The following NGFR variants were observed in gnomAD, a reference collection of about 807,000 sequenced individuals.
NGFR encodes tumor necrosis factor receptor superfamily member 16.
Under a neutral mutation model 43.2 loss-of-function variants are expected in NGFR, and 30 were observed. The ratio of observed to expected loss-of-function variants is 0.69; its 90% CI spans 0.52 to 0.94. The LOEUF (loss-of-function observed/expected upper bound fraction) is 0.94. Ranked by LOEUF, NGFR falls within the 40% of genes least tolerant of loss-of-function variation. NGFR has a pLI of 0.00. For synonymous variants in NGFR, 246 were observed against 259.6 expected, an observed-to-expected ratio of 0.95 and a Z score of 0.50; for missense variants, 529 against 602.5, an observed-to-expected ratio of 0.88 and a Z score of 1.28.
chr17:49,499,103 C>A (rs1053415570), intron 1 of NGFR, among the ~76,000 whole-genome samples: 2 of 152,166 alleles, frequency 1.3e-5, no homozygotes, highest in African/African-American at 4.8e-5. Context: ...AGAAGCAGAT[C>A]TAGGATTTTA....
chr17:49,512,901 C>CTGGG lies in NGFR; in HGVS notation c.1176_1177insTGGG (p.Gln393TrpfsTer29). ...GCGCCCTGCTTGCAAGCTGGGCCAC[C>CTGGG]CAGGACAGCGCCACACTGGACGCCC... On this transcript the variant is annotated frameshift_variant, in exon 6 of 6. Coordinates refer to ENST00000172229, the MANE Select transcript of NGFR (RefSeq NM_002507.4). LOFTEE classifies it high-confidence loss of function. This position sits in a 1 kb window ranked among gnomAD's most constrained non-coding sequence, Gnocchi z 5.2. The CTGGG allele has an allele frequency of 6.2e-7, 1 of 1,612,902 alleles. No homozygotes were observed. Among genetic ancestry groups the CTGGG allele is most frequent in the Non-Finnish European group, 8.5e-7 (1 of 1,179,764 alleles).
intron 3 of NGFR, among the ~76,000 whole-genome samples, chr17:49,508,637 G>A (rs2143441377): frequency 6.6e-6 from 1 of 152,308 alleles, no homozygotes; most frequent in Non-Finnish European, 1.5e-5. Flanking sequence ...GTGAAATTCG[G>A]TTTGAATAGG....
In NGFR at chr17:49,513,034, GC is replaced by G. The variant is rs1567742327; in HGVS notation, c.*29del. On this transcript the variant is annotated 3_prime_UTR_variant, in exon 6 of 6. Coordinates refer to ENST00000172229, the MANE Select transcript of NGFR (RefSeq NM_002507.4). ...AGCCCAACCGGGGAGCCCCCGCCCCGCCCCACATTCCGACAACCGATGCTCC... is the reference window on the plus strand; with the variant it reads ...AGCCCAACCGGGGAGCCCCCGCCCCGCCCACATTCCGACAACCGATGCTCC... 17 of 1,486,228 alleles carry G rather than the reference GC, an allele frequency of 1.1e-5. 1 individual carries two copies. In the South Asian group the frequency reaches 2.1e-4, roughly 19 times the overall value. The allele number at this position is 1,486,228 out of a possible 1,614,324, so 92.1% of individuals were successfully genotyped here.
intron 2 of NGFR, among the ~76,000 whole-genome samples, chr17:49,505,111 T>C (rs2071189261): frequency 1.3e-5 from 2 of 152,022 alleles, no homozygotes; most frequent in South Asian, 4.2e-4. Context: ...TCTCTGGCTT[T>C]TCCTTCTTTG....
At chr17:49,499,843 T>TC (rs956582265) in intron 1 of NGFR, among the ~76,000 whole-genome samples, 2 of 152,162 alleles carry the variant, frequency 1.3e-5, no homozygotes, top group African/African-American at 4.8e-5. Flanking sequence ...TGCCTCGGCC[T>TC]CCCAAAGTGC....
At position 49,512,098 on chromosome 17, in the gene NGFR, G is replaced by A. The variant is rs1020959493; in HGVS notation, c.982+46G>A. ...GAGCTGAGGCGGAGCTGAGGCTGAG[G>A]AAACAGAAGCAATTAAGATTAGACT... On this transcript the variant is annotated intron_variant, in intron 5 of 5. Coordinates refer to ENST00000172229, the MANE Select transcript of NGFR (RefSeq NM_002507.4). This position sits in a 1 kb window ranked among gnomAD's most constrained non-coding sequence, Gnocchi z 5.2. The A allele has an allele frequency of 6.3e-7, 1 of 1,592,870 alleles. No individual in the cohort carries two copies. The highest frequency in any genetic ancestry group is 2.0e-4 in the Middle Eastern group (1 of 4,940).
intron 4 of NGFR, among the ~76,000 whole-genome samples, chr17:49,511,528 T>G (rs895322496): frequency 6.6e-5 from 10 of 152,074 alleles, no homozygotes; most frequent in Non-Finnish European, 1.2e-4. Context: ...TGTTTTTTTT[T>G]TTTTTCCAGT....
At chr17:49,499,582 T>A (rs1489338845) in intron 1 of NGFR, among the ~76,000 whole-genome samples, 1 of 151,452 alleles carries the variant, frequency 6.6e-6, no homozygotes, top group African/African-American at 2.4e-5. Flanking sequence ...TTATTTTTAT[T>A]TTATTTATTT....
chr17:49,502,018 C>CCCCCCCAAGAA, intron 1 of NGFR, 45 bp from the exon 2 acceptor site: 1 of 1,320,362 alleles, frequency 7.6e-7, no homozygotes, highest in Non-Finnish European at 1.0e-6. Context: ...CAACCCACCC[C>CCCCCCCAAGAA]AGCTTTCTCT....
At chr17:49,501,004 C>G (rs2071164182) in intron 1 of NGFR, among the ~76,000 whole-genome samples, 1 of 152,238 alleles carries the variant, frequency 6.6e-6, no homozygotes, top group East Asian at 1.9e-4. Flanking sequence ...CCATACTTCT[C>G]AGCATCAAAT....
rs915930410 is a variant in NGFR, at chr17:49,506,522, C to T, written c.432C>T (p.Thr144=). Residue 144 remains threonine, a synonymous_variant, in exon 3 of 6, where the codon ACC becomes ACT. Transcript: ENST00000172229. ...TCTCCTGCCAGGACAAGCAGAACAC[C>T]GTGTGCGAGGAGTGCCCCGACGGCA... ...LVFSCQDKQN[T]VCEECPDGTY... 6.2e-6 allele frequency: 10 copies of T among 1,611,660 alleles called. No homozygotes were observed. The highest frequency in any genetic ancestry group is 3.4e-6 in the Non-Finnish European group (4 of 1,179,608).
In NGFR at chr17:49,514,372, T is replaced by C. The variant is rs111331586; in HGVS notation, c.*1363T>C. On this transcript the variant is annotated 3_prime_UTR_variant, in exon 6 of 6. Transcript: ENST00000172229. Reference sequence around the variant, plus strand: ...AGTGTGGGAATGCGGCAAGAAGGAATTGACTTCGACTGTGACCTGTGGGGA... The same window carrying C: ...AGTGTGGGAATGCGGCAAGAAGGAACTGACTTCGACTGTGACCTGTGGGGA... 1.3e-5 allele frequency: 2 copies of C among 152,592 alleles called. No homozygotes were observed. Among genetic ancestry groups the C allele is most frequent in the African/African-American group, 4.8e-5 (2 of 41,478 alleles). 9.5% of individuals were successfully genotyped at this position (152,592 alleles called of 1,614,324 possible).
chr17:49,509,028 A>G (rs187654062), intron 3 of NGFR, among the ~76,000 whole-genome samples: 39 of 152,218 alleles, frequency 2.6e-4, no homozygotes, highest in East Asian at 1.4e-3. Context: ...CCCCAGTCCA[A>G]TGCTCCACCT....
intron 2 of NGFR, 79 bp from the exon 3 acceptor site, chr17:49,506,220 G>A (rs1233845423): frequency 2.0e-6 from 3 of 1,499,444 alleles, no homozygotes; most frequent in African/African-American, 2.8e-5. Context: ...GCAGGCAATA[G>A]GGGAGGGAGA....
chr17:49,510,400 CT>C lies in NGFR; in HGVS notation c.569-8del. ...GGAAGTGGGTCCTCACTCCTGTGGC[CT>C]TTTCTCCCAGAGATCCCTGGCCGTT... is the stretch of plus-strand genomic sequence containing the variant. On this transcript the variant is annotated splice_polypyrimidine_tract_variant and intron_variant, in intron 3 of 5. Coordinates refer to ENST00000172229, the MANE Select transcript of NGFR (RefSeq NM_002507.4). 6.2e-7 allele frequency: 1 copy of C among 1,612,376 alleles called. No individual in the cohort carries two copies. The highest frequency in any genetic ancestry group is 8.5e-7 in the Non-Finnish European group (1 of 1,178,778).
chr17:49,500,760 C>T (rs2071162994), intron 1 of NGFR, among the ~76,000 whole-genome samples: 1 of 152,204 alleles, frequency 6.6e-6, no homozygotes, highest in Non-Finnish European at 1.5e-5. Flanking sequence ...CCTCTGTTGC[C>T]TGTGCCTGTC....
rs1222083690 is a variant in NGFR, at chr17:49,510,506, A to C, written c.663A>C (p.Gln221His). 6.2e-7 allele frequency: 1 copy of C among 1,614,076 alleles called. No homozygotes were observed. Among genetic ancestry groups the C allele is most frequent in the African/African-American group, 1.3e-5 (1 of 75,014 alleles). The change falls in exon 4 of 6, where the codon CAA (glutamine) becomes CAC (histidine). Residue 221 changes from glutamine to histidine, a missense_variant. Transcript: ENST00000172229. Reference sequence around the variant, plus strand: ...AGGAGCCTGAGGCACCTCCAGAACAAGACCTCATAGCCAGCACGGTGGCAG... The same window carrying C: ...AGGAGCCTGAGGCACCTCCAGAACACGACCTCATAGCCAGCACGGTGGCAG... ...STQEPEAPPE[Q>H]DLIASTVAGV...
Position 49,513,215 on chromosome 17 carries a change from G to A in NGFR, c.*206G>A. The A allele has an allele frequency of 1.8e-6, 1 of 559,910 alleles. No individual in the cohort carries two copies. The allele number at this position is 559,910 out of a possible 1,614,324, so 34.7% of individuals were successfully genotyped here. Reference sequence around the variant, plus strand: ...CCCTTCACTTCTGACCACACTTCCTGTCCAGAGAGAGAAGTGCCCCTGCTG... The same window carrying A: ...CCCTTCACTTCTGACCACACTTCCTATCCAGAGAGAGAAGTGCCCCTGCTG... On this transcript the variant is annotated 3_prime_UTR_variant, in exon 6 of 6. Transcript: ENST00000172229.
At chr17:49,496,642 C>A (rs925843929) in intron 1 of NGFR, 2 of 152,156 alleles carry the variant, frequency 1.3e-5, no homozygotes, top group African/African-American at 2.4e-5. Flanking sequence ...GGCTGCGCGC[C>A]GCTCCCCACC....
Sources: gnomAD v4.1 joint callset for allele counts (sites outside exome capture counted in the v4.1 genomes callset) on GRCh38, gnomAD v4.1.1 for gene constraint, Gnocchi (gnomAD v3.1) non-coding constraint, MANE v1.5 for transcripts, NCBI Gene and HGNC (gene_info 2026-07-23, HGNC 2026-07-21) for gene names.